Variants in SSTR5 observed in about 807,000 individuals in gnomAD.
SSTR5 encodes somatostatin receptor 5, also known as somatostatin receptor type 5.
Under a neutral mutation model 0.3 loss-of-function variants are expected in SSTR5, and 1 was observed. That is an observed-to-expected ratio of 2.98 (90% CI 1.06 to 14.15). The LOEUF (loss-of-function observed/expected upper bound fraction) is 14.15, where lower values mean the gene tolerates loss of function less well. SSTR5 is among the 30% of genes most tolerant of loss of function. The probability of loss-of-function intolerance (pLI) is 0.12; values close to 1 mark genes in which losing one functional copy is unlikely to be tolerated. For synonymous variants in SSTR5, 256 were observed against 263.1 expected (o/e 0.97, Z 0.26); for missense variants, 516 against 543.2 (o/e 0.95, Z 0.50).
intron 1 of SSTR5, among the ~76,000 whole-genome samples, chr16:1,075,632 G>A (rs965013011): frequency 1.1e-4 from 17 of 151,882 alleles, no homozygotes; most frequent in South Asian, 4.2e-4. Flanking sequence ...GGAATGGGCC[G>A]AAAGTGCCTC....
chr16:1,081,096 C>G lies in SSTR5; in HGVS notation c.*1133C>G, dbSNP rs1162284392. 3 of 470,336 alleles carry G rather than the reference C, an allele frequency of 6.4e-6. No individual in the cohort carries two copies. The East Asian group carries it at 2.1e-4, about 33-fold the overall frequency. 29.1% of individuals were successfully genotyped at this position (470,336 alleles called of 1,614,324 possible). A position where few individuals can be genotyped will look rare whatever the true frequency, so the allele number is the denominator to read the frequency against. ...CCCACCTAGAATTGTCCTACCTCCC[C>G]CACCCCAAACACCAGCTTTTCCTGG... On this transcript the variant is annotated 3_prime_UTR_variant, in exon 2 of 2. Transcript: ENST00000689027.
intron 1 of SSTR5, among the ~76,000 whole-genome samples, chr16:1,075,871 TCTC>T (rs1960182891): frequency 3.3e-5 from 1 of 30,342 alleles, no homozygotes; most frequent in African/African-American, 1.4e-4. Context: ...TCCCTCCCTC[TCTC>T]CCCCTACCCT....
chr16:1,075,022 C>T lies in SSTR5; in HGVS notation c.-28+2200C>T, dbSNP rs903497756. On this transcript the variant is annotated intron_variant, in intron 1 of 1. Transcript: ENST00000689027. ...GCAGATCCCTTCGTGGCCGAGGGCTCGGGATCAGAAAGCTCCTACTGCTGG... is the reference window on the plus strand; with the variant it reads ...GCAGATCCCTTCGTGGCCGAGGGCTTGGGATCAGAAAGCTCCTACTGCTGG... Among the ~76,000 whole-genome samples the T allele has an allele frequency of 3.3e-5, 5 of 152,182 alleles. No individual in the cohort carries two copies. The East Asian group carries it at 5.8e-4, about 18-fold the overall frequency.
Position 1,080,230 on chromosome 16 carries a change from G to T in SSTR5, c.*267G>T. 1 of 501,298 alleles carries T rather than the reference G, an allele frequency of 2.0e-6. No homozygotes were observed. Among genetic ancestry groups the T allele is most frequent in the Non-Finnish European group, 3.6e-6 (1 of 279,620 alleles). 31.1% of individuals were successfully genotyped at this position (501,298 alleles called of 1,614,324 possible). On this transcript the variant is annotated 3_prime_UTR_variant, in exon 2 of 2. Coordinates refer to ENST00000689027, the MANE Select transcript of SSTR5 (RefSeq NM_001172560.3). ...TGGGGGGCTCCGCCATGCCGTGCAA[G>T]TGCTCAGGGCCGCCTCACCCTCCAT...
chr16:1,075,521 A>G, intron 1 of SSTR5, among the ~76,000 whole-genome samples: 1 of 152,138 alleles, frequency 6.6e-6, no homozygotes, highest in East Asian at 1.9e-4. Context: ...CTGGGGACCC[A>G]GGGCCTGTGT....
Position 1,079,615 on chromosome 16 carries a change from G to C in SSTR5, c.747G>C (p.Met249Ile). 1 of 1,611,828 alleles carries C rather than the reference G, an allele frequency of 6.2e-7. No individual in the cohort carries two copies. The highest frequency in any genetic ancestry group is 8.5e-7 in the Non-Finnish European group (1 of 1,179,054). ...RRRSERKVTR[M>I]VLVVVLVFAG... is the part of the protein sequence containing the mutation. ...GCTCGGAGCGGAAGGTGACGCGCAT[G>C]GTGTTGGTGGTGGTGCTGGTGTTTG... Residue 249 changes from methionine to isoleucine, a missense_variant, in exon 2 of 2, where the codon ATG (methionine) becomes ATC (isoleucine). By Grantham distance (10) the Met-to-Ile change is conservative. Transcript: ENST00000689027.
intron 1 of SSTR5, among the ~76,000 whole-genome samples, chr16:1,077,011 T>C (rs1341187038): frequency 2.0e-5 from 3 of 152,208 alleles, no homozygotes; most frequent in African/African-American, 7.2e-5. Flanking sequence ...TGTTGATTTC[T>C]AGGTTTGTTG....
chr16:1,078,894 C>T lies in SSTR5; in HGVS notation c.26C>T (p.Thr9Met), dbSNP rs143790659. 9.3e-4 allele frequency: 1,492 copies of T among 1,606,448 alleles called. 8 individuals are homozygous for T. The highest frequency in any genetic ancestry group is 5.4e-3 in the Admixed American group (324 of 59,902). Residue 9 changes from threonine (T) to methionine (M), a missense_variant, in exon 2 of 2, where the codon ACG becomes ATG. By Grantham distance (81) the Thr-to-Met change is moderately conservative. Transcript: ENST00000689027. The part of the protein sequence containing the change: MEPLFPAS[T>M]PSWNASSPGA... ...ATGGAGCCCCTGTTCCCAGCCTCCACGCCCAGCTGGAACGCCTCCTCCCCG... is the reference window on the plus strand; with the variant it reads ...ATGGAGCCCCTGTTCCCAGCCTCCATGCCCAGCTGGAACGCCTCCTCCCCG...
rs1045219495 is a variant in SSTR5 at position 1,080,652 on chromosome 16, T to C, written c.*689T>C. ...TCTCAGAGAGGGGAGTGTGGGGGCTTGGGCGCTGGCCTAGCCAGGGGCGAG... is the reference window on the plus strand; with the variant it reads ...TCTCAGAGAGGGGAGTGTGGGGGCTCGGGCGCTGGCCTAGCCAGGGGCGAG... On this transcript the variant is annotated 3_prime_UTR_variant, in exon 2 of 2. Transcript: ENST00000689027. 5.3e-5 allele frequency among the ~76,000 whole-genome samples: 8 copies of C among 152,052 alleles called. No homozygotes were observed. The highest frequency in any genetic ancestry group is 1.2e-4 in the Non-Finnish European group (8 of 67,976).
rs142579686 is a variant in SSTR5 at position 1,079,073 on chromosome 16, G to A, written c.205G>A (p.Ala69Thr). Residue 69 changes from alanine (A) to threonine (T), a missense_variant, in exon 2 of 2, where the codon GCC becomes ACC. Physicochemically the swap from Ala to Thr is moderately conservative, Grantham distance 58. Transcript: ENST00000689027. ...GGTCATCTACGTGGTGCTGCGCTTC[G>A]CCAAGATGAAGACCGTCACCAACAT... is the stretch of plus-strand genomic sequence containing the variant. ...TLVIYVVLRFAKMKTVTNIYI... is the reference protein window; with the variant it reads ...TLVIYVVLRFTKMKTVTNIYI... The A allele has an allele frequency of 1.8e-5, 29 of 1,612,366 alleles. No individual in the cohort carries two copies. Among genetic ancestry groups the A allele is most frequent in the Middle Eastern group, 1.6e-4 (1 of 6,084 alleles).
In SSTR5 at chr16:1,079,938, G is replaced by A; in HGVS notation, c.1070G>A (p.Gly357Glu). The change falls in exon 2 of 2, where the codon GGG becomes GAG. Residue 357 changes from glycine to glutamate, a missense_variant. By Grantham distance (98) the Gly-to-Glu change is moderately conservative. Transcript: ENST00000689027. ...CCCGCGCACCGCGCCGCAGCCAACG[G>A]GCTTATGCAGACCAGCAAGCTGTGA... ...TPPAHRAAAN[G>E]LMQTSKL 6.2e-7 allele frequency: 1 copy of A among 1,604,850 alleles called. No individual in the cohort carries two copies. The highest frequency in any genetic ancestry group is 1.1e-5 in the South Asian group (1 of 90,084).
At position 1,072,790 on chromosome 16, in the gene SSTR5, G is replaced by A; in HGVS notation, c.-60G>A. Among the ~76,000 whole-genome samples, 1 of 145,204 alleles carries A rather than the reference G, an allele frequency of 6.9e-6. No individual in the cohort carries two copies. Among genetic ancestry groups the A allele is most frequent in the East Asian group, 2.1e-4 (1 of 4,736 alleles). ...CGGAGCCAGTGCCGCGCGGACATCG[G>A]GGCTCCCCCGTTCAGAGGGCGCCGC... On this transcript the variant is annotated 5_prime_UTR_variant, in exon 1 of 2. Transcript: ENST00000689027.
intron 1 of SSTR5, 49 bp from the exon 2 acceptor site, chr16:1,078,793 G>T: frequency 6.5e-7 from 1 of 1,541,036 alleles, no homozygotes; most frequent in Non-Finnish European, 8.7e-7. Context: ...GCCTGCATGT[G>T]CTGGTTCAGG....
At position 1,074,386 on chromosome 16, in the gene SSTR5, G is replaced by A. The variant is rs993010631; in HGVS notation, c.-28+1564G>A. Reference sequence around the variant, plus strand: ...TCCGCAGCCCCTCCAAGCTGCAGCCGCATCGCTGCCCCCCATGAAGGAGCC... The same window carrying A: ...TCCGCAGCCCCTCCAAGCTGCAGCCACATCGCTGCCCCCCATGAAGGAGCC... On this transcript the variant is annotated intron_variant, in intron 1 of 1. Coordinates refer to ENST00000689027, the MANE Select transcript of SSTR5 (RefSeq NM_001172560.3). 4.6e-5 allele frequency among the ~76,000 whole-genome samples: 7 copies of A among 152,324 alleles called. No homozygotes were observed. In the East Asian group the frequency reaches 5.8e-4, roughly 13 times the overall value.
rs752143563 is a variant in SSTR5, at chr16:1,079,780, C to T, written c.912C>T (p.Tyr304=). 22 of 1,612,336 alleles carry T rather than the reference C, an allele frequency of 1.4e-5. No individual in the cohort carries two copies. The highest frequency in any genetic ancestry group is 7.7e-5 in the South Asian group (7 of 91,090). Residue 304 remains tyrosine, a synonymous_variant, in exon 2 of 2, where the codon TAC becomes TAT. Transcript: ENST00000689027. ...YANSCANPVL[Y]GFLSDNFRQS... ...ACAGCTGTGCCAACCCCGTCCTCTA[C>T]GGCTTCCTCTCTGACAACTTCCGCC...
intron 1 of SSTR5, chr16:1,073,315 G>A (rs1228067924): frequency 1.3e-5 from 2 of 152,420 alleles, no homozygotes; most frequent in East Asian, 1.9e-4. Flanking sequence ...GGCCACGGAA[G>A]GAGGGTCCCA....
At chr16:1,075,893 C>G (rs1280410544) in intron 1 of SSTR5, among the ~76,000 whole-genome samples, 1 of 91,166 alleles carries the variant, frequency 1.1e-5, no homozygotes, top group African/African-American at 4.5e-5. Context: ...CTGTCTCTCT[C>G]TCTCCCCCCC....
chr16:1,077,230 GGGCTCCAGAC>G (rs1960230513), intron 1 of SSTR5, among the ~76,000 whole-genome samples: 3 of 152,206 alleles, frequency 2.0e-5, no homozygotes, highest in Non-Finnish European at 1.5e-5. Context: ...AGCAGCCCCA[GGGCTCCAGAC>G]GGCACATGCT....
chr16:1,073,365 T>TG (rs1456921698), intron 1 of SSTR5: 4 of 152,294 alleles, frequency 2.6e-5, no homozygotes, highest in Non-Finnish European at 5.9e-5. Context: ...ATCCGCAATT[T>TG]GGGTGCCGGG....
Sources: gnomAD v4.1 joint callset for allele counts (sites outside exome capture counted in the v4.1 genomes callset) on GRCh38, gnomAD v4.1.1 for gene constraint, MANE v1.5 for transcripts, NCBI Gene and HGNC (gene_info 2026-07-23, HGNC 2026-07-21) for gene names.